Variants in LRRC4C observed in about 807,000 individuals in gnomAD.
The protein encoded by LRRC4C is leucine rich repeat containing 4C, also known as leucine-rich repeat-containing protein 4C.
A neutral mutation model predicts 33.6 loss-of-function variants in LRRC4C; 5 were observed. That is an observed-to-expected ratio of 0.15 (90% CI 0.08 to 0.31). The LOEUF (loss-of-function observed/expected upper bound fraction) is 0.31, where lower values mean the gene tolerates loss of function less well. Ranked by LOEUF, LRRC4C falls within the 10% of genes least tolerant of loss-of-function variation. LRRC4C has a pLI of 1.00. For synonymous variants in LRRC4C, 329 were observed against 302.0 expected, an observed-to-expected ratio of 1.09 and a Z score of -0.93; for missense variants, 560 against 796.7, an observed-to-expected ratio of 0.70 and a Z score of 3.58.
At chr11:40,380,905 T>A (rs1402330621) in intron 3 of LRRC4C, among the ~76,000 whole-genome samples, 1 of 152,200 alleles carries the variant, frequency 6.6e-6, no homozygotes, top group Non-Finnish European at 1.5e-5. Context: ...AAAATGATCT[T>A]CTACCTATCT....
chr11:40,999,598 A>G (rs1216896820), intron 1 of LRRC4C, among the ~76,000 whole-genome samples: 2 of 152,158 alleles, frequency 1.3e-5, no homozygotes, highest in South Asian at 2.1e-4. Flanking sequence ...GTGAAATAAT[A>G]ATTTAGTTAA....
chr11:41,313,678 T>G (rs1950704819), intron 1 of LRRC4C, among the ~76,000 whole-genome samples: 1 of 152,206 alleles, frequency 6.6e-6, no homozygotes, highest in Non-Finnish European at 1.5e-5. Context: ...ATTTTATTAC[T>G]ATTATTAACA....
intron 2 of LRRC4C, among the ~76,000 whole-genome samples, chr11:40,798,709 C>T (rs1278116232): frequency 1.3e-5 from 2 of 150,318 alleles, no homozygotes; most frequent in African/African-American, 4.9e-5. Context: ...AATAGCACGA[C>T]CTCAGTTCAC....
intron 5 of LRRC4C, among the ~76,000 whole-genome samples, chr11:40,239,492 T>G (rs1375781304): frequency 1.3e-5 from 2 of 152,206 alleles, no homozygotes; most frequent in African/African-American, 4.8e-5. Context: ...CAAGCTAATG[T>G]AAATGTGCAA....
intron 4 of LRRC4C, among the ~76,000 whole-genome samples, chr11:40,288,212 G>C (rs1220840534): frequency 6.6e-6 from 1 of 152,150 alleles, no homozygotes; most frequent in Non-Finnish European, 1.5e-5. Flanking sequence ...CACTTAAGAT[G>C]CTAGAGTCCA....
intron 1 of LRRC4C, among the ~76,000 whole-genome samples, chr11:41,274,164 G>A: frequency 6.6e-6 from 1 of 152,032 alleles, no homozygotes; most frequent in Non-Finnish European, 1.5e-5. Context: ...AGAAGAGAGA[G>A]TGGAGAAGCA....
rs1351778031 is a variant in LRRC4C, at chr11:40,459,382, C to T, written c.-269-139661G>A. Among the ~76,000 whole-genome samples the T allele has an allele frequency of 2.0e-5, 3 of 152,006 alleles. No individual in the cohort carries two copies. In the East Asian group the frequency reaches 5.8e-4, roughly 30 times the overall value. ...TGCCAGAGCAGTGATCGTCAGCACT[C>T]AGGAATCTGTCAGCCAGCTTAAGGG... On this transcript the variant is annotated intron_variant, in intron 3 of 6. Transcript: ENST00000528697.
chr11:40,851,356 A>T (rs557146578), intron 2 of LRRC4C, among the ~76,000 whole-genome samples: 1 of 152,162 alleles, frequency 6.6e-6, no homozygotes, highest in African/African-American at 2.4e-5. Context: ...CCCTCACAGC[A>T]CAGTCCCTCA....
At chr11:41,241,300 G>A (rs912516634) in intron 1 of LRRC4C, among the ~76,000 whole-genome samples, 1 of 152,082 alleles carries the variant, frequency 6.6e-6, no homozygotes, top group Non-Finnish European at 1.5e-5. Context: ...TCCAAGACAT[G>A]TTCCCTAGAA....
chr11:40,959,666 T>C (rs546081456), intron 1 of LRRC4C, among the ~76,000 whole-genome samples: 1 of 151,918 alleles, frequency 6.6e-6, no homozygotes, highest in South Asian at 2.1e-4. Flanking sequence ...CCTTCCATTT[T>C]CTCTATTTTT....
intron 3 of LRRC4C, among the ~76,000 whole-genome samples, chr11:40,542,513 A>G (rs1222136847): frequency 6.6e-6 from 1 of 152,164 alleles, no homozygotes; most frequent in Admixed American, 6.6e-5. Context: ...ATCCTTTAAA[A>G]GCTCAGATTG....
chr11:40,757,926 T>G (rs1949028506), intron 2 of LRRC4C, among the ~76,000 whole-genome samples: 1 of 152,058 alleles, frequency 6.6e-6, no homozygotes, highest in Admixed American at 6.6e-5. Context: ...GACAAGATAC[T>G]TTTGTTATTT....
chr11:41,081,389 C>A (rs913197091), intron 1 of LRRC4C, among the ~76,000 whole-genome samples: 1 of 152,172 alleles, frequency 6.6e-6, no homozygotes, highest in Non-Finnish European at 1.5e-5. Flanking sequence ...AAAGGTCCCA[C>A]AAAGATGCAG....
chr11:40,756,469 A>G (rs1330888822), intron 2 of LRRC4C, among the ~76,000 whole-genome samples: 2 of 152,058 alleles, frequency 1.3e-5, no homozygotes, highest in Admixed American at 1.3e-4. Flanking sequence ...TTAGCTTCCC[A>G]TATCAGGCTG....
intron 2 of LRRC4C, among the ~76,000 whole-genome samples, chr11:40,914,942 A>C (rs1404133793): frequency 1.3e-5 from 2 of 152,196 alleles, no homozygotes; most frequent in African/African-American, 4.8e-5. Context: ...ACTCCCATTC[A>C]CAATTGCTTC....
chr11:41,221,133 C>G (rs1007945602), intron 1 of LRRC4C, among the ~76,000 whole-genome samples: 2 of 151,996 alleles, frequency 1.3e-5, no homozygotes. Flanking sequence ...GATCTGCTTC[C>G]TCTTCCGACC....
chr11:40,405,580 G>A (rs1949931949), intron 3 of LRRC4C, among the ~76,000 whole-genome samples: 1 of 135,684 alleles, frequency 7.4e-6, no homozygotes, highest in South Asian at 2.5e-4. Context: ...GAGCACTGCA[G>A]CCTGGGTGAC....
At chr11:41,437,664 G>A (rs1273830947) in intron 1 of LRRC4C, among the ~76,000 whole-genome samples, 2 of 152,020 alleles carry the variant, frequency 1.3e-5, no homozygotes, top group South Asian at 4.1e-4. Flanking sequence ...TTACATCTTT[G>A]TTCCTTCTGT....
intron 1 of LRRC4C, among the ~76,000 whole-genome samples, chr11:41,350,229 C>T (rs1048895886): frequency 7.2e-5 from 11 of 152,208 alleles, no homozygotes; most frequent in South Asian, 6.2e-4. Flanking sequence ...AAAATGTTTT[C>T]GTCAGGTGCA....
Sources: allele counts gnomAD v4.1 joint callset (sites outside exome capture counted in the v4.1 genomes callset), GRCh38; gene constraint gnomAD v4.1.1; transcripts MANE v1.5; gene names NCBI Gene and HGNC (gene_info 2026-07-23, HGNC 2026-07-21).